CEP192: variants seen among roughly 807,000 people sequenced by gnomAD.
The protein encoded by CEP192 is centrosomal protein of 192 kDa.
A neutral mutation model predicts 271.8 loss-of-function variants in CEP192; 151 were observed. The ratio of observed to expected loss-of-function variants is 0.56; its 90% CI spans 0.49 to 0.64. The LOEUF is 0.64. Among genes scored for constraint, CEP192 ranks in the 30% least tolerant of loss-of-function variants. The pLI is 0.00. For synonymous variants in CEP192, 995 were observed against 1,076.5 expected (o/e 0.92, Z 1.48); for missense variants, 2,910 against 3,020.5 (o/e 0.96, Z 0.86).
chr18:13,080,372 C>G (rs925962467), intron 30 of CEP192, among the ~76,000 whole-genome samples: 7 of 152,112 alleles, frequency 4.6e-5, no homozygotes, highest in Non-Finnish European at 8.8e-5. Flanking sequence ...AAGTTGGATT[C>G]CTAGATATTT....
intron 21 of CEP192, among the ~76,000 whole-genome samples, chr18:13,061,612 A>G (rs960387155): frequency 1.3e-5 from 2 of 152,228 alleles, no homozygotes; most frequent in Non-Finnish European, 2.9e-5. Context: ...TGCACATATT[A>G]TAAACTTTTA....
chr18:13,055,279 C>CA (rs34080432), intron 18 of CEP192, among the ~76,000 whole-genome samples: 1,170 of 97,440 alleles, frequency 0.012, 11 homozygotes, highest in African/African-American at 0.031. Flanking sequence ...GACTCTGTCT[C>CA]AAAAAAAAAA....
intron 5 of CEP192, among the ~76,000 whole-genome samples, chr18:13,014,296 A>G (rs2034522007): frequency 6.6e-6 from 1 of 152,192 alleles, no homozygotes; most frequent in Non-Finnish European, 1.5e-5. Context: ...GAAACATGAG[A>G]TGCTTGATTA....
chr18:13,071,363 A>AT, intron 28 of CEP192, 151 bp downstream of exon 28: 1 of 640,292 alleles, frequency 1.6e-6, no homozygotes, highest in Non-Finnish European at 2.7e-6. Flanking sequence ...ACGTGTCCTG[A>AT]TTCAGCTTTT....
intron 1 of CEP192, among the ~76,000 whole-genome samples, chr18:12,998,428 C>A (rs544281848): frequency 6.6e-6 from 1 of 152,180 alleles, no homozygotes; most frequent in Admixed American, 6.5e-5. Context: ...TTGAATCTTA[C>A]TAATTGCAAC....
intron 34 of CEP192, among the ~76,000 whole-genome samples, chr18:13,093,316 A>G (rs1171263709): frequency 6.6e-6 from 1 of 152,242 alleles, no homozygotes; most frequent in Non-Finnish European, 1.5e-5. Flanking sequence ...TAGTTAAATG[A>G]CAAAACAACA....
intron 35 of CEP192, 62 bp downstream of exon 35, chr18:13,095,743 T>C (rs2039366911): frequency 7.0e-7 from 1 of 1,429,640 alleles, no homozygotes; most frequent in Non-Finnish European, 9.7e-7. Context: ...GCACTCCCAT[T>C]GTGCCCATGG....
At chr18:13,083,137 C>T (rs1008606386) in intron 30 of CEP192, among the ~76,000 whole-genome samples, 1 of 152,090 alleles carries the variant, frequency 6.6e-6, no homozygotes, top group African/African-American at 2.4e-5. Context: ...TTGTGGTGTT[C>T]TCTGTATTTC....
intron 34 of CEP192, among the ~76,000 whole-genome samples, chr18:13,094,086 G>C (rs943052083): frequency 9.9e-5 from 15 of 152,176 alleles, no homozygotes; most frequent in African/African-American, 3.6e-4. Flanking sequence ...CTTTTGGTAG[G>C]AATGATGCTG....
At chr18:13,116,749 A>G (rs1176918564) in intron 43 of CEP192, among the ~76,000 whole-genome samples, 3 of 152,014 alleles carry the variant, frequency 2.0e-5, no homozygotes, top group African/African-American at 4.8e-5. Flanking sequence ...AGCTGGGACT[A>G]CAGGTGCCCG....
intron 40 of CEP192, 72 bp downstream of exon 40, chr18:13,105,151 A>G (rs1025452927): frequency 9.5e-7 from 1 of 1,055,392 alleles, no homozygotes; most frequent in East Asian, 2.4e-5. Context: ...GATTCCACCC[A>G]TTTAGCTTGT....
intron 30 of CEP192, among the ~76,000 whole-genome samples, chr18:13,081,471 C>T (rs1170932135): frequency 2.0e-5 from 3 of 152,102 alleles, no homozygotes; most frequent in East Asian, 1.9e-4. Flanking sequence ...TCTGTGGGAT[C>T]GGTGGTGATA....
chr18:13,075,930 CTG>C lies in CEP192; in HGVS notation c.5616+2749_5616+2750del, dbSNP rs528078318. On this transcript the variant is annotated intron_variant, in intron 30 of 44. Transcript: ENST00000506447. ...AGTCTCTAGGGTGCTAATAACAGCTCTGTGTATTGTCATCTGGAGCAGTGGTT... is the reference window on the plus strand; with the variant it reads ...AGTCTCTAGGGTGCTAATAACAGCTCTGTATTGTCATCTGGAGCAGTGGTT... Among the ~76,000 whole-genome samples the C allele has an allele frequency of 5.9e-5, 9 of 152,306 alleles. No individual in the cohort carries two copies. In the South Asian group the frequency reaches 1.9e-3, roughly 32 times the overall value.
At chr18:13,052,182 G>C (rs1294798817) in intron 17 of CEP192, among the ~76,000 whole-genome samples, 3 of 152,186 alleles carry the variant, frequency 2.0e-5, no homozygotes, top group Non-Finnish European at 4.4e-5. Flanking sequence ...TGTTTGTGCA[G>C]ATAGATGTGA....
intron 44 of CEP192, among the ~76,000 whole-genome samples, chr18:13,122,641 ACTAAGCCCTTTCCATGTAGAT>A (rs2040723101): frequency 6.6e-6 from 1 of 152,176 alleles, no homozygotes; most frequent in Non-Finnish European, 1.5e-5. Context: ...TGTAGGTTCC[ACTAAGCCCTTTCCATGTAGAT>A]GGGGCCTGCA....
Position 13,104,935 on chromosome 18 carries a change from T to C in CEP192, c.6952-49T>C, listed in dbSNP as rs2039881739. 8 of 1,331,696 alleles carry C rather than the reference T, an allele frequency of 6.0e-6. No individual in the cohort carries two copies. The East Asian group carries it at 1.8e-4, about 31-fold the overall frequency. The allele number at this position is 1,331,696 out of a possible 1,614,324, so 82.5% of individuals were successfully genotyped here. A position where few individuals can be genotyped will look rare whatever the true frequency, so the allele number is the denominator to read the frequency against. On this transcript the variant is annotated intron_variant, in intron 39 of 44. Transcript: ENST00000506447. ...GAGGTAATAGTGTCTCTGTGGGATT[T>C]ATCCATTGGCTTTATGGTTTTTAAT... is the stretch of plus-strand genomic sequence containing the variant.
chr18:13,003,266 TG>T (rs1221372377), intron 3 of CEP192, among the ~76,000 whole-genome samples: 2 of 151,826 alleles, frequency 1.3e-5, no homozygotes, highest in Non-Finnish European at 2.9e-5. Context: ...CTGGCCAACA[TG>T]GTGAAATCCC....
At position 13,049,543 on chromosome 18, in the gene CEP192, C is replaced by T. The variant is rs772974168; in HGVS notation, c.2752C>T (p.Leu918Phe). ...SSVRNPRITS[L>F]CLLKDCEEIR... ...AGTGAGGAACCCCAGAATAACATCCCTTTGTCTGTTAAAAGACTGTGAAGA... is the reference window on the plus strand; with the variant it reads ...AGTGAGGAACCCCAGAATAACATCCTTTTGTCTGTTAAAAGACTGTGAAGA... The change falls in exon 16 of 45, where the codon CTT becomes TTT. Residue 918 changes from leucine (L) to phenylalanine (F), a missense_variant. Transcript: ENST00000506447. 8.7e-6 allele frequency: 14 copies of T among 1,613,764 alleles called. No individual in the cohort carries two copies. The highest frequency in any genetic ancestry group is 1.2e-5 in the Non-Finnish European group (14 of 1,179,982).
At chr18:13,014,179 G>A (rs2034514614) in intron 5 of CEP192, among the ~76,000 whole-genome samples, 1 of 152,338 alleles carries the variant, frequency 6.6e-6, no homozygotes, top group South Asian at 2.1e-4. Context: ...AGTTTCAAGT[G>A]CGAGAGATGC....
Sources: allele counts gnomAD v4.1 joint callset (sites outside exome capture counted in the v4.1 genomes callset), GRCh38; gene constraint gnomAD v4.1.1; transcripts MANE v1.5; gene names NCBI Gene and HGNC (gene_info 2026-07-23, HGNC 2026-07-21).